FHIT: variants seen among roughly 807,000 people sequenced by gnomAD.
The protein encoded by FHIT is bis(5'-adenosyl)-triphosphatase.
FHIT carries 19 observed loss-of-function variants against 17.9 expected under a neutral mutation model. The ratio of observed to expected loss-of-function variants is 1.06; its 90% confidence interval spans 0.74 to 1.56. FHIT has a LOEUF of 1.56. Ranked by LOEUF, FHIT falls within the 40% of genes most tolerant of loss-of-function variation. FHIT has a pLI of 0.00. For synonymous variants in FHIT, 81 were observed against 69.7 expected (o/e 1.16, Z -0.81); for missense variants, 248 against 189.2 (o/e 1.31, Z -1.82).
At chr3:60,756,710 C>G (rs1440692812) in intron 4 of FHIT, among the ~76,000 whole-genome samples, 1 of 152,182 alleles carries the variant, frequency 6.6e-6, no homozygotes, top group African/African-American at 2.4e-5. Flanking sequence ...TAAAACAACT[C>G]TAGGAATTAG....
At chr3:61,100,786 T>C (rs2035795483) in intron 2 of FHIT, among the ~76,000 whole-genome samples, 1 of 152,256 alleles carries the variant, frequency 6.6e-6, no homozygotes, top group Admixed American at 6.5e-5. Flanking sequence ...ATCGTGGTTT[T>C]GATTTGCATT....
At chr3:60,544,857 A>C (rs575081280) in intron 4 of FHIT, among the ~76,000 whole-genome samples, 89 of 152,240 alleles carry the variant, frequency 5.8e-4, no homozygotes, top group African/African-American at 2.1e-3. Flanking sequence ...TCAGCCTCCC[A>C]AAGTGCTGGG....
intron 5 of FHIT, among the ~76,000 whole-genome samples, chr3:60,180,652 A>C (rs902758127): frequency 3.9e-5 from 6 of 152,224 alleles, no homozygotes; most frequent in Admixed American, 3.9e-4. Context: ...TCTGTTAGAA[A>C]AACAGGGCAT....
intron 2 of FHIT, among the ~76,000 whole-genome samples, chr3:61,060,827 T>C (rs187787402): frequency 7.9e-5 from 12 of 152,348 alleles, no homozygotes; most frequent in Admixed American, 2.6e-4. Context: ...CCTGGCTGGC[T>C]TTTCATCTAA....
chr3:60,451,051 G>C (rs1023659817), intron 5 of FHIT, among the ~76,000 whole-genome samples: 2 of 152,050 alleles, frequency 1.3e-5, no homozygotes, highest in Non-Finnish European at 2.9e-5. Context: ...TTGGGCCAAC[G>C]AAGAAGGCAA....
chr3:60,288,789 T>C (rs1485599439), intron 5 of FHIT, among the ~76,000 whole-genome samples: 1 of 152,192 alleles, frequency 6.6e-6, no homozygotes, highest in Non-Finnish European at 1.5e-5. Context: ...TAATATTTGT[T>C]TCTTTATTAA....
chr3:60,771,767 T>C (rs11130782), intron 4 of FHIT, among the ~76,000 whole-genome samples: 59,105 of 152,066 alleles, frequency 0.39, 11,832 homozygotes, highest in Non-Finnish European at 0.42. Context: ...AAAGCAAACT[T>C]AGTTTCACAT....
chr3:59,950,692 C>T (rs1707073467), intron 7 of FHIT, among the ~76,000 whole-genome samples: 1 of 152,194 alleles, frequency 6.6e-6, no homozygotes, highest in South Asian at 2.1e-4. Context: ...GGTGAGTTCA[C>T]TGTAGCCTCC....
chr3:60,048,471 C>T lies in FHIT; in HGVS notation c.104-34319G>A, dbSNP rs115177978. Among the ~76,000 whole-genome samples, 1,251 of 152,230 alleles carry T rather than the reference C, an allele frequency of 8.2e-3. 7 individuals are homozygous for T. Among genetic ancestry groups the T allele is most frequent in the Non-Finnish European group, 0.012 (811 of 68,024 alleles). On this transcript the variant is annotated intron_variant, in intron 5 of 9. Transcript: ENST00000492590. ...GATTACAGGCGTGAGTCTCTACGAC[C>T]GGCCTTAAGTTCTCTTTTCAAAGGC...
chr3:60,859,957 T>C (rs1241594248), intron 3 of FHIT, among the ~76,000 whole-genome samples: 14 of 150,080 alleles, frequency 9.3e-5, no homozygotes, highest in Non-Finnish European at 1.9e-4. Context: ...GGTAGGAGAA[T>C]TGCTTGAACC....
intron 8 of FHIT, among the ~76,000 whole-genome samples, chr3:59,907,217 C>T (rs2687901): frequency 6.6e-6 from 1 of 152,318 alleles, no homozygotes; most frequent in African/African-American, 2.4e-5. Flanking sequence ...ACTTCCATGG[C>T]CCTTTATCAG....
At chr3:59,807,223 A>C (rs1277949106) in intron 8 of FHIT, among the ~76,000 whole-genome samples, 1 of 152,198 alleles carries the variant, frequency 6.6e-6, no homozygotes, top group African/African-American at 2.4e-5. Flanking sequence ...TTTAATCAGG[A>C]TCCTAGTGCA....
chr3:60,952,258 T>C (rs9846267), intron 3 of FHIT, among the ~76,000 whole-genome samples: 3,628 of 149,214 alleles, frequency 0.024, 150 homozygotes, highest in African/African-American at 0.084. Flanking sequence ...CCACAGATTG[T>C]AATCTCGGCC....
chr3:60,359,767 A>G (rs1699829257), intron 5 of FHIT, among the ~76,000 whole-genome samples: 1 of 152,172 alleles, frequency 6.6e-6, no homozygotes. Flanking sequence ...TTTTCATGGA[A>G]CCAACCACTG....
At chr3:60,449,466 C>G (rs2107361820) in intron 5 of FHIT, among the ~76,000 whole-genome samples, 1 of 151,956 alleles carries the variant, frequency 6.6e-6, no homozygotes, top group East Asian at 1.9e-4. Flanking sequence ...TAATGTGGCA[C>G]TTAATAATGG....
intron 5 of FHIT, among the ~76,000 whole-genome samples, chr3:60,460,933 C>A (rs2032421607): frequency 6.6e-6 from 1 of 152,142 alleles, no homozygotes; most frequent in African/African-American, 2.4e-5. Context: ...GAACCTTAGT[C>A]ATCAGTCCCA....
intron 4 of FHIT, among the ~76,000 whole-genome samples, chr3:60,637,221 C>T (rs1403211638): frequency 2.0e-5 from 3 of 152,134 alleles, no homozygotes; most frequent in Non-Finnish European, 4.4e-5. Context: ...TTTGATAGCA[C>T]CACTTTGAAG....
chr3:60,480,478 T>C (rs1310177053), intron 5 of FHIT, among the ~76,000 whole-genome samples: 1 of 152,132 alleles, frequency 6.6e-6, no homozygotes, highest in African/African-American at 2.4e-5. Context: ...CAAAATCTCA[T>C]CTAAGACAAG....
At chr3:60,394,115 A>C (rs1340398242) in intron 5 of FHIT, among the ~76,000 whole-genome samples, 1 of 152,106 alleles carries the variant, frequency 6.6e-6, no homozygotes, top group Non-Finnish European at 1.5e-5. Context: ...AAGGATGTGT[A>C]AGATAGAGTA....
Sources: allele counts gnomAD v4.1 joint callset (sites outside exome capture counted in the v4.1 genomes callset), GRCh38; gene constraint gnomAD v4.1.1; transcripts MANE v1.5; gene names NCBI Gene and HGNC (gene_info 2026-07-23, HGNC 2026-07-21).